Variants in ATF7IP observed in about 807,000 individuals in gnomAD.
ATF7IP encodes the protein activating transcription factor 7-interacting protein 1.
In ATF7IP, 23 loss-of-function variants were observed where a neutral mutation model predicts 106.4. The ratio of observed to expected loss-of-function variants is 0.22; its 90% CI spans 0.16 to 0.31. ATF7IP has a LOEUF of 0.31. Ranked by LOEUF, ATF7IP falls within the 10% of genes least tolerant of loss-of-function variation. The probability of loss-of-function intolerance (pLI) is 1.00; values close to 1 mark genes in which losing one functional copy is unlikely to be tolerated. For missense variants in ATF7IP, 1,334 were observed against 1,524.3 expected, an observed-to-expected ratio of 0.88 and a Z score of 2.08; for synonymous variants, 542 against 539.0, an observed-to-expected ratio of 1.01 and a Z score of -0.08.
Position 14,424,504 on chromosome 12 carries a change from G to A in ATF7IP, c.589G>A (p.Asp197Asn). 2.5e-6 allele frequency: 4 copies of A among 1,614,142 alleles called. No homozygotes were observed. The highest frequency in any genetic ancestry group is 3.4e-6 in the Non-Finnish European group (4 of 1,180,016). The change falls in exon 2 of 15, where the codon GAT (aspartate) becomes AAT (asparagine). Residue 197 changes from aspartate (D) to asparagine (N), a missense_variant. Asp to Asn is a conservative substitution (Grantham distance 23, BLOSUM62 1). Around this residue, in one of 10 missense-constraint regions of ATF7IP, gnomAD observed 438 missense variants for 405.3 expected, o/e 1.08. Transcript: ENST00000261168. ...GDATSGDATA[D>N]DLSSGDPTSS... ...TGCCACCTCTGGTGATGCCACTGCT[G>A]ATGATCTCTCCTCTGGTGATCCCAC...
intron 10 of ATF7IP, among the ~76,000 whole-genome samples, chr12:14,471,304 T>G (rs1047211562): frequency 6.6e-6 from 1 of 152,146 alleles, no homozygotes; most frequent in Admixed American, 6.5e-5. Context: ...GTAGTGTAAT[T>G]TGGATTATTT....
chr12:14,432,395 G>C (rs17403301), intron 2 of ATF7IP, among the ~76,000 whole-genome samples: 3,009 of 152,294 alleles, frequency 0.02, 31 homozygotes, highest in Middle Eastern at 0.031. Flanking sequence ...TAATGAGTTT[G>C]TGATCTGTTT....
intron 2 of ATF7IP, among the ~76,000 whole-genome samples, chr12:14,431,398 CTTT>C (rs780382202): frequency 2.8e-5 from 4 of 142,654 alleles, no homozygotes; most frequent in Admixed American, 7.0e-5. Context: ...AAAAAACATT[CTTT>C]TTTTTTTTTT....
At chr12:14,432,400 C>G (rs536150158) in intron 2 of ATF7IP, among the ~76,000 whole-genome samples, 1 of 152,274 alleles carries the variant, frequency 6.6e-6, no homozygotes, top group Admixed American at 6.5e-5. Flanking sequence ...AGTTTGTGAT[C>G]TGTTTACAAG....
intron 1 of ATF7IP, among the ~76,000 whole-genome samples, chr12:14,404,127 G>A (rs1378554336): frequency 1.2e-5 from 1 of 81,086 alleles, no homozygotes; most frequent in Non-Finnish European, 2.3e-5. Context: ...TTACACATTT[G>A]TAAGCTTTTT....
At chr12:14,457,142 G>C (rs1337131841) in intron 7 of ATF7IP, 65 bp from the exon 8 acceptor site, 2 of 1,356,556 alleles carry the variant, frequency 1.5e-6, no homozygotes, top group Non-Finnish European at 2.1e-6. Context: ...GCTTATTCTA[G>C]ATATCAGTTG....
At chr12:14,484,716 G>T (rs997230541) in intron 13 of ATF7IP, among the ~76,000 whole-genome samples, 1 of 152,180 alleles carries the variant, frequency 6.6e-6, no homozygotes, top group African/African-American at 2.4e-5. Flanking sequence ...GGAAGAGAAC[G>T]CAGCGTGACA....
chr12:14,375,905 G>A (rs141555372), intron 1 of ATF7IP, among the ~76,000 whole-genome samples: 1 of 152,270 alleles, frequency 6.6e-6, no homozygotes, highest in East Asian at 1.9e-4. Context: ...TCTGGAGCTA[G>A]AATGTAAATG....
At chr12:14,384,229 G>T (rs1939118026) in intron 1 of ATF7IP, among the ~76,000 whole-genome samples, 1 of 152,092 alleles carries the variant, frequency 6.6e-6, no homozygotes, top group African/African-American at 2.4e-5. Context: ...GATAGAACAA[G>T]ATACACAGGT....
intron 1 of ATF7IP, chr12:14,395,183 A>G (rs1041730309): frequency 6.6e-6 from 1 of 152,108 alleles, no homozygotes; most frequent in Non-Finnish European, 1.5e-5. Flanking sequence ...TTTAATGTTT[A>G]TACAAATGAA....
chr12:14,460,456 A>G, intron 8 of ATF7IP, 39 bp from the exon 9 acceptor site: 2 of 1,538,536 alleles, frequency 1.3e-6, no homozygotes, highest in Non-Finnish European at 1.8e-6. Flanking sequence ...ATAAATTAAT[A>G]TAACCATTTA....
chr12:14,478,247 C>T, intron 11 of ATF7IP, 70 bp from the exon 12 acceptor site: 1 of 1,466,120 alleles, frequency 6.8e-7, no homozygotes, highest in Non-Finnish European at 9.4e-7. Context: ...TAAAATTTGT[C>T]CATAGAGGAA....
rs1198608706 is a variant in ATF7IP, at chr12:14,376,890, C to T, written c.-8+11063C>T. On this transcript the variant is annotated intron_variant, in intron 1 of 14. Transcript: ENST00000261168. ...GCAGTGAGCCAAGATTGCGCCACTACACTCCAGCGTGGGTGACAGAACAAA... is the reference window on the plus strand; with the variant it reads ...GCAGTGAGCCAAGATTGCGCCACTATACTCCAGCGTGGGTGACAGAACAAA... 7.2e-5 allele frequency among the ~76,000 whole-genome samples: 11 copies of T among 152,014 alleles called. No homozygotes were observed. In the East Asian group the frequency reaches 1.9e-3, roughly 27 times the overall value.
chr12:14,479,967 A>T (rs993073173), intron 12 of ATF7IP, among the ~76,000 whole-genome samples: 1 of 152,180 alleles, frequency 6.6e-6, no homozygotes, highest in Admixed American at 6.5e-5. Context: ...ATTCAAACCC[A>T]TGGGCAGTGT....
intron 11 of ATF7IP, among the ~76,000 whole-genome samples, chr12:14,478,093 C>T (rs79667794): frequency 0.049 from 7,510 of 152,174 alleles, 632 homozygotes; most frequent in African/African-American, 0.17. Context: ...TTTCTGTAAA[C>T]GTGAATTTGA....
intron 1 of ATF7IP, among the ~76,000 whole-genome samples, chr12:14,381,106 C>G (rs913755223): frequency 2.0e-5 from 3 of 152,142 alleles, no homozygotes; most frequent in Non-Finnish European, 4.4e-5. Context: ...TTCAAAGGTG[C>G]TTGGTTCTTT....
intron 14 of ATF7IP, 99 bp from the exon 15 acceptor site, chr12:14,497,555 A>C (rs1190711040): frequency 6.5e-6 from 8 of 1,224,316 alleles, no homozygotes; most frequent in Non-Finnish European, 7.8e-6. Context: ...TTGATATAAA[A>C]TGATACTTCT....
At chr12:14,485,437 T>G (rs539018613) in intron 13 of ATF7IP, among the ~76,000 whole-genome samples, 51 of 152,252 alleles carry the variant, frequency 3.3e-4, no homozygotes, top group Non-Finnish European at 5.3e-4. Context: ...TTAGTAGGAT[T>G]TATTTCCCAT....
At chr12:14,400,260 C>T (rs1555112209) in intron 1 of ATF7IP, among the ~76,000 whole-genome samples, 1 of 152,098 alleles carries the variant, frequency 6.6e-6, no homozygotes, top group Non-Finnish European at 1.5e-5. Context: ...TGCCTGTATA[C>T]ATGTTTAGAT....
Sources: allele counts gnomAD v4.1 joint callset (sites outside exome capture counted in the v4.1 genomes callset), GRCh38; gene constraint gnomAD v4.1.1; regional missense constraint gnomAD v4.1.1; transcripts MANE v1.5; gene names NCBI Gene and HGNC (gene_info 2026-07-23, HGNC 2026-07-21).